The following SMG5 variants were observed in gnomAD, a reference collection of about 807,000 sequenced individuals.
SMG5 encodes SMG5 nonsense mediated mRNA decay factor.
In SMG5, 53 loss-of-function variants were observed where a neutral mutation model predicts 122.9. That is an observed-to-expected ratio of 0.43 (90% confidence interval 0.35 to 0.54). The LOEUF (loss-of-function observed/expected upper bound fraction) is 0.54. Ranked by LOEUF, SMG5 falls within the 20% of genes least tolerant of loss-of-function variation. The probability of loss-of-function intolerance (pLI) is 0.01; values close to 1 mark genes in which losing one functional copy is unlikely to be tolerated. For synonymous variants in SMG5, 477 were observed against 490.2 expected (o/e 0.97, Z 0.35); for missense variants, 1,153 against 1,285.6 (o/e 0.90, Z 1.58).
chr1:156,285,302 T>A, upstream of SMG5: 1 of 1,578,238 alleles, frequency 6.3e-7, no homozygotes, highest in Non-Finnish European at 8.6e-7. Context: ...ACCCCAGGCC[T>A]TGGTTCCCAA....
chr1:156,282,282 G>T (rs1662986283), intron 1 of SMG5, among the ~76,000 whole-genome samples: 1 of 151,904 alleles, frequency 6.6e-6, no homozygotes, highest in African/African-American at 2.4e-5. Flanking sequence ...CTACACCTGT[G>T]ACCCCACCTT....
At chr1:156,291,496 C>A in the SMG5 span, 14 of 1,612,894 alleles carry the variant, frequency 8.7e-6, no homozygotes, top group Middle Eastern at 1.6e-4. Flanking sequence ...ACTACATGTT[C>A]GTGGTGGAGC....
chr1:156,277,257 G>A lies in SMG5; in HGVS notation c.298-16C>T. 1 of 1,610,498 alleles carries A rather than the reference G, an allele frequency of 6.2e-7. No homozygotes were observed. The highest frequency in any genetic ancestry group is 8.5e-7 in the Non-Finnish European group (1 of 1,178,790). On this transcript the variant is annotated splice_polypyrimidine_tract_variant and intron_variant, in intron 3 of 21. Transcript: ENST00000361813. ...TGTGGATGTGCTACAGATTGCGAAA[G>A]GGAAGGGGCTGGTTAAGCAATAAAC...
upstream of SMG5, chr1:156,285,524 G>A: frequency 6.2e-7 from 1 of 1,614,186 alleles, no homozygotes; most frequent in Non-Finnish European, 8.5e-7. Context: ...CATTGAACCA[G>A]AGCCCCCTGA....
At chr1:156,266,938 T>C (rs1451680922) in intron 10 of SMG5, among the ~76,000 whole-genome samples, 1 of 151,972 alleles carries the variant, frequency 6.6e-6, no homozygotes, top group Non-Finnish European at 1.5e-5. Flanking sequence ...ACTGTACGTG[T>C]CCTATTATCC....
intron 10 of SMG5, 108 bp from the exon 11 acceptor site, chr1:156,266,786 T>A: frequency 1.7e-6 from 2 of 1,167,140 alleles, no homozygotes; most frequent in Non-Finnish European, 2.4e-6. Context: ...AGGATCCAAC[T>A]ACTTATCAAA....
Position 156,266,173 on chromosome 1 carries a change from C to T in SMG5, c.1463G>A (p.Arg488Gln), listed in dbSNP as rs758016770. ...FESDSSHDSA[R>Q]ASEGSDSGSD... The stretch of plus-strand genomic sequence containing the variant: ...GCCACTGTCTGAGCCCTCACTGGCC[C>T]GGGCTGAGTCATGGCTTGAGTCCGA... The change falls in exon 12 of 22, where the codon CGG becomes CAG. Residue 488 changes from arginine (R) to glutamine (Q), a missense_variant. Physicochemically the swap from Arg to Gln is conservative, Grantham distance 43. This residue lies in a region of SMG5 where 631 missense variants were observed against 650.6 expected (regional missense o/e 0.97). Transcript: ENST00000361813. 9.3e-6 allele frequency: 15 copies of T among 1,614,114 alleles called. No individual in the cohort carries two copies. Among genetic ancestry groups the T allele is most frequent in the East Asian group, 4.5e-5 (2 of 44,900 alleles).
the SMG5 span, among the ~76,000 whole-genome samples, chr1:156,288,591 G>C: frequency 1.3e-5 from 2 of 151,982 alleles, no homozygotes; most frequent in Non-Finnish European, 2.9e-5. Context: ...ACCCATCTTG[G>C]CCACCCAAAG....
intron 5 of SMG5, among the ~76,000 whole-genome samples, chr1:156,273,724 T>TC (rs574769921): frequency 1.3e-4 from 19 of 147,350 alleles, no homozygotes; most frequent in Admixed American, 8.1e-4. Context: ...TTTTCTTTTT[T>TC]TTTTTTTTTT....
chr1:156,277,248 A>G lies in SMG5; in HGVS notation c.298-7T>C. 3 of 1,611,930 alleles carry G rather than the reference A, an allele frequency of 1.9e-6. No homozygotes were observed. The highest frequency in any genetic ancestry group is 2.5e-6 in the Non-Finnish European group (3 of 1,179,404). The stretch of plus-strand genomic sequence containing the variant: ...TGCTCCGGCTGTGGATGTGCTACAG[A>G]TTGCGAAAGGGAAGGGGCTGGTTAA... On this transcript the variant is annotated splice_region_variant and splice_polypyrimidine_tract_variant and intron_variant, in intron 3 of 21. Transcript: ENST00000361813.
Position 156,274,623 on chromosome 1 carries a change from C to T in SMG5, c.518G>A (p.Arg173Gln), listed in dbSNP as rs1254744932. Residue 173 changes from arginine to glutamine, a missense_variant, in exon 5 of 22, where the codon CGA becomes CAA. Arg to Gln is a conservative substitution (Grantham distance 43, BLOSUM62 1). Coordinates refer to ENST00000361813, the MANE Select transcript of SMG5 (RefSeq NM_015327.3). ...CAAATCCCCCAGATACACCAGACAT[C>T]GGTGACATGCCATCTGTGCCCAATC... ...EMDWAQMACH[R>Q]CLVYLGDLSR... 5.0e-6 allele frequency: 8 copies of T among 1,613,832 alleles called. No homozygotes were observed. Among genetic ancestry groups the T allele is most frequent in the South Asian group, 1.1e-5 (1 of 91,086 alleles).
At chr1:156,253,351 G>C in intron 17 of SMG5, 98 bp downstream of exon 17, 1 of 1,271,154 alleles carries the variant, frequency 7.9e-7, no homozygotes, top group Non-Finnish European at 1.1e-6. Context: ...AGAGGCAACA[G>C]AGCAGGGGGA....
chr1:156,267,559 T>C lies in SMG5; in HGVS notation c.1028A>G (p.Tyr343Cys). 2 of 1,614,118 alleles carry C rather than the reference T, an allele frequency of 1.2e-6. No individual in the cohort carries two copies. The highest frequency in any genetic ancestry group is 1.7e-6 in the Non-Finnish European group (2 of 1,180,008). Reference sequence around the variant, plus strand: ...CGGGAGGAAAGCATATCCACTCTCATACTCCTCCTCATCCTCACTGGCCAG... The same window carrying C: ...CGGGAGGAAAGCATATCCACTCTCACACTCCTCCTCATCCTCACTGGCCAG... ...LSLASEDEEE[Y>C]ESGYAFLPDL... is the part of the protein sequence containing the mutation. Residue 343 changes from tyrosine to cysteine, a missense_variant, in exon 10 of 22, where the codon TAT becomes TGT. Physicochemically the swap from Tyr to Cys is radical, Grantham distance 194 (BLOSUM62 -2). This residue lies in a region of SMG5 where 631 missense variants were observed against 650.6 expected (regional missense o/e 0.97). Coordinates refer to ENST00000361813, the MANE Select transcript of SMG5 (RefSeq NM_015327.3).
rs540420436 is a variant in SMG5, at chr1:156,282,570, C to T, written c.74+37G>A. On this transcript the variant is annotated intron_variant, in intron 1 of 21. Transcript: ENST00000361813. ...CCCGCCCCTCGCCGTCTCCCCACTT[C>T]CCTCGGTGGCTGCTCTCACGCCCTG... 29 of 1,583,368 alleles carry T rather than the reference C, an allele frequency of 1.8e-5. No individual in the cohort carries two copies. The African/African-American group carries it at 2.0e-4, about 11-fold the overall frequency.
At chr1:156,283,162 C>CT, upstream of SMG5, 1 of 263,206 alleles carries the variant, frequency 3.8e-6, no homozygotes. Flanking sequence ...AGCCAAGCCT[C>CT]TTTCAGATTA....
intron 4 of SMG5, 150 bp downstream of exon 4, chr1:156,276,935 G>C: frequency 1.3e-6 from 1 of 744,040 alleles, no homozygotes; most frequent in Non-Finnish European, 2.1e-6. Flanking sequence ...TGATTGTCTG[G>C]ATAAATCCAA....
Position 156,267,595 on chromosome 1 carries a change from G to C in SMG5, c.992C>G (p.Pro331Arg). The change falls in exon 10 of 22, where the codon CCC becomes CGC. Residue 331 changes from proline (P) to arginine (R), a missense_variant. Around this residue, in one of 5 missense-constraint regions of SMG5, gnomAD observed 631 missense variants for 650.6 expected, o/e 0.97. Transcript: ENST00000361813. ...NLCLFYLPSS[P>R]NLSLASEDEE... ...ATCCTCACTGGCCAGGCTGAGGTTGGGTGAGGAGGGCAGGTAGAAGAGGCA... is the reference window on the plus strand; with the variant it reads ...ATCCTCACTGGCCAGGCTGAGGTTGCGTGAGGAGGGCAGGTAGAAGAGGCA... 1 of 1,613,998 alleles carries C rather than the reference G, an allele frequency of 6.2e-7. No homozygotes were observed. The highest frequency in any genetic ancestry group is 8.5e-7 in the Non-Finnish European group (1 of 1,179,974).
At chr1:156,277,821 C>A in intron 3 of SMG5, 104 bp downstream of exon 3, 1 of 1,487,964 alleles carries the variant, frequency 6.7e-7, no homozygotes. Flanking sequence ...CTCTTACTGC[C>A]ATGTTTTCTT....
intron 15 of SMG5, among the ~76,000 whole-genome samples, chr1:156,259,973 CCTGTCTGCTTGA>C (rs1027728893): frequency 2.0e-5 from 3 of 152,134 alleles, no homozygotes; most frequent in African/African-American, 7.2e-5. Flanking sequence ...GACTGGGTGG[CCTGTCTGCTTGA>C]CTTCCCTCTG....
Sources: gnomAD v4.1 joint callset for allele counts (sites outside exome capture counted in the v4.1 genomes callset) on GRCh38, gnomAD v4.1.1 for gene constraint, gnomAD v4.1.1 regional missense constraint, MANE v1.5 for transcripts, NCBI Gene and HGNC (gene_info 2026-07-23, HGNC 2026-07-21) for gene names.